The following RARB variants were observed in gnomAD, a reference collection of about 807,000 sequenced individuals.
RARB encodes the protein retinoic acid receptor beta, also known as HBV-activated protein.
In RARB, 17 loss-of-function variants were observed where a neutral mutation model predicts 51.9. That is an observed-to-expected ratio of 0.33 (90% CI 0.22 to 0.49). RARB has a LOEUF of 0.49. Among genes scored for constraint, RARB ranks in the 20% least tolerant of loss-of-function variants. The pLI is 0.99. For synonymous variants in RARB, 215 were observed against 195.4 expected, an observed-to-expected ratio of 1.10 and a Z score of -0.84; for missense variants, 369 against 550.8, an observed-to-expected ratio of 0.67 and a Z score of 3.30.
At chr3:25,241,343 T>C (rs1411749907) in intron 5 of RARB, among the ~76,000 whole-genome samples, 2 of 152,216 alleles carry the variant, frequency 1.3e-5, no homozygotes, top group African/African-American at 4.8e-5. Context: ...CTTTAAGTTC[T>C]GGGATACATG....
Position 25,099,357 on chromosome 3 carries a change from G to A in RARB, c.-327-32804G>A, listed in dbSNP as rs192849009. ...TTTTTGCAACCTTGGGAAAGGGGAG[G>A]GCTAGATTGTCAAGATAAGCTTTCA... On this transcript the variant is annotated intron_variant, in intron 3 of 11. Transcript: ENST00000383772. Among the ~76,000 whole-genome samples, 5 of 152,122 alleles carry A rather than the reference G, an allele frequency of 3.3e-5. No homozygotes were observed. In the South Asian group the frequency reaches 1.0e-3, roughly 32 times the overall value.
chr3:25,394,768 T>A (rs1707070669), intron 5 of RARB, among the ~76,000 whole-genome samples: 1 of 152,198 alleles, frequency 6.6e-6, no homozygotes, highest in South Asian at 2.1e-4. Flanking sequence ...TTTCCACCCC[T>A]TTACCTTAAG....
intron 4 of RARB, among the ~76,000 whole-genome samples, chr3:25,570,697 C>CTG (rs979474538): frequency 2.0e-5 from 3 of 152,142 alleles, no homozygotes; most frequent in Non-Finnish European, 4.4e-5. Context: ...ATTATGTTCA[C>CTG]TGATGTATAT....
At chr3:25,561,884 C>T (rs1382975361) in intron 3 of RARB, among the ~76,000 whole-genome samples, 3 of 152,202 alleles carry the variant, frequency 2.0e-5, no homozygotes, top group African/African-American at 7.2e-5. Context: ...TTATCTGGAA[C>T]AGTCTGTTGC....
Position 25,169,415 on chromosome 3 carries a change from G to C in RARB, c.-279-4704G>C, listed in dbSNP as rs549952730. Among the ~76,000 whole-genome samples the C allele has an allele frequency of 1.7e-3, 254 of 152,210 alleles. 1 individual carries two copies. The highest frequency in any genetic ancestry group is 5.7e-3 in the African/African-American group (237 of 41,526). On this transcript the variant is annotated intron_variant, in intron 4 of 11. Coordinates refer to the RARB transcript ENST00000383772. ...GCCAGACAAAATTGCTGGAGACTTAGCAAAGAATTATTCACGGATATAAAG... is the reference window on the plus strand; with the variant it reads ...GCCAGACAAAATTGCTGGAGACTTACCAAAGAATTATTCACGGATATAAAG...
intron 5 of RARB, among the ~76,000 whole-genome samples, chr3:25,259,275 A>G (rs1291189823): frequency 6.6e-6 from 1 of 152,112 alleles, no homozygotes. Flanking sequence ...TCAGACAGAG[A>G]CTGGATCTCC....
At chr3:25,092,173 C>T (rs1699210293) in intron 3 of RARB, among the ~76,000 whole-genome samples, 1 of 152,100 alleles carries the variant, frequency 6.6e-6, no homozygotes, top group African/African-American at 2.4e-5. Flanking sequence ...GCGGTCTTGT[C>T]TATTGCTCAG....
intron 2 of RARB, among the ~76,000 whole-genome samples, chr3:25,486,969 T>C (rs1696505504): frequency 6.6e-6 from 1 of 152,214 alleles, no homozygotes; most frequent in Non-Finnish European, 1.5e-5. Flanking sequence ...AGTATACCTA[T>C]GATGACCTCT....
chr3:24,977,471 C>G (rs932098507), intron 2 of RARB, among the ~76,000 whole-genome samples: 1 of 152,044 alleles, frequency 6.6e-6, no homozygotes, highest in South Asian at 2.1e-4. Context: ...TGAAGAGGTC[C>G]TTCACATCCC....
intron 2 of RARB, among the ~76,000 whole-genome samples, chr3:25,025,508 T>G (rs1697728015): frequency 6.6e-6 from 1 of 152,178 alleles, no homozygotes; most frequent in African/African-American, 2.4e-5. Context: ...TGATGATATA[T>G]GGAACTAGCC....
At chr3:25,442,140 AT>A (rs1708719814) in intron 1 of RARB, among the ~76,000 whole-genome samples, 2 of 150,804 alleles carry the variant, frequency 1.3e-5, no homozygotes, top group South Asian at 4.2e-4. Context: ...TTATTTATTT[AT>A]TTATTTATTT....
intron 3 of RARB, among the ~76,000 whole-genome samples, chr3:25,078,106 T>G (rs1698913133): frequency 6.6e-6 from 1 of 152,176 alleles, no homozygotes; most frequent in African/African-American, 2.4e-5. Flanking sequence ...CTTGCCCATT[T>G]TGTTGATGTT....
rs547838786 is a variant in RARB at position 25,585,927 on chromosome 3, A to AGG, written c.786+5208_786+5209dup. 2.0e-3 allele frequency among the ~76,000 whole-genome samples: 302 copies of AGG among 152,284 alleles called. 1 individual carries two copies. Among genetic ancestry groups the AGG allele is most frequent in the African/African-American group, 6.9e-3 (286 of 41,550 alleles). On this transcript the variant is annotated intron_variant, in intron 5 of 7. Coordinates refer to ENST00000330688, the MANE Select transcript of RARB (RefSeq NM_000965.5). ...ACATTCAACAGGTTGGGCAAGCTGA[A>AGG]GGGGAGCAGGGTCAGTGTGGAGCCA...
At chr3:24,900,739 T>C (rs1368321595) in intron 2 of RARB, among the ~76,000 whole-genome samples, 1 of 152,222 alleles carries the variant, frequency 6.6e-6, no homozygotes, top group Non-Finnish European at 1.5e-5. Context: ...CTTTACTTCT[T>C]AGATGTTGCT....
chr3:25,493,386 C>T (rs939782621), intron 2 of RARB, among the ~76,000 whole-genome samples: 1 of 152,112 alleles, frequency 6.6e-6, no homozygotes, highest in Non-Finnish European at 1.5e-5. Flanking sequence ...GTTTAAAAAC[C>T]ATGTTTCCCA....
At chr3:24,902,562 A>G (rs1372242516) in intron 2 of RARB, among the ~76,000 whole-genome samples, 1 of 152,164 alleles carries the variant, frequency 6.6e-6, no homozygotes, top group Non-Finnish European at 1.5e-5. Context: ...TGGGAATTTT[A>G]TGAATTTATA....
chr3:25,180,787 G>A (rs1195615178), intron 5 of RARB, among the ~76,000 whole-genome samples: 3 of 152,158 alleles, frequency 2.0e-5, no homozygotes, highest in Admixed American at 6.5e-5. Flanking sequence ...GAGAAAAAGA[G>A]GGAGAGAGAG....
intron 5 of RARB, among the ~76,000 whole-genome samples, chr3:25,408,694 G>A (rs1445418240): frequency 1.3e-5 from 2 of 152,086 alleles, no homozygotes; most frequent in Non-Finnish European, 2.9e-5. Flanking sequence ...CAGGAAGCAG[G>A]CAAGTCAAGC....
Position 25,511,316 on chromosome 3 carries a change from T to C in RARB, c.448+9993T>C, listed in dbSNP as rs140651340. Among the ~76,000 whole-genome samples, 142 of 152,170 alleles carry C rather than the reference T, an allele frequency of 9.3e-4. 1 individual carries two copies. Among genetic ancestry groups the C allele is most frequent in the African/African-American group, 3.0e-3 (125 of 41,506 alleles). ...CTCGGCTAATTTTTTGTATTTTTAG[T>C]AGGGACAGGTTTCACCGTGTTAGCC... On this transcript the variant is annotated intron_variant, in intron 3 of 7. Coordinates refer to ENST00000330688, the MANE Select transcript of RARB (RefSeq NM_000965.5).
Sources: gnomAD v4.1 joint callset for allele counts (sites outside exome capture counted in the v4.1 genomes callset) on GRCh38, gnomAD v4.1.1 for gene constraint, MANE v1.5 for transcripts, NCBI Gene and HGNC (gene_info 2026-07-23, HGNC 2026-07-21) for gene names.